Variants in COX7B2 observed in about 807,000 individuals in gnomAD.
COX7B2 encodes cytochrome c oxidase subunit 7B2, mitochondrial.
For synonymous variants in COX7B2, 37 were observed against 32.1 expected (o/e 1.15, Z -0.51); for missense variants, 109 against 95.9 (o/e 1.14, Z -0.57).
At chr4:46,790,152 A>G (rs1717962599) in intron 2 of COX7B2, among the ~76,000 whole-genome samples, 1 of 152,248 alleles carries the variant, frequency 6.6e-6, no homozygotes. Flanking sequence ...CTCAAGAAAC[A>G]GAAAAATCTG....
At chr4:46,848,694 C>T (rs1261125363) in intron 1 of COX7B2, among the ~76,000 whole-genome samples, 1 of 151,932 alleles carries the variant, frequency 6.6e-6, no homozygotes, top group Non-Finnish European at 1.5e-5. Flanking sequence ...AAGACACATC[C>T]AAAATGTGTC....
chr4:46,806,056 C>A (rs1718979551), intron 2 of COX7B2, among the ~76,000 whole-genome samples: 1 of 152,068 alleles, frequency 6.6e-6, no homozygotes, highest in Admixed American at 6.5e-5. Flanking sequence ...TTGTAATTGC[C>A]TCATATGAAA....
Position 46,876,404 on chromosome 4 carries a change from C to CTT in COX7B2, c.-104-31392_-104-31391dup, listed in dbSNP as rs1213695191. ...TCAAACACAGAGTCCGTCCTATTGT[C>CTT]TTTTTTTTTTTTTTTTTTTGAGAAG... On this transcript the variant is annotated intron_variant, in intron 1 of 2. Transcript: ENST00000355591. 9.5e-3 allele frequency among the ~76,000 whole-genome samples: 1,215 copies of CTT among 128,070 alleles called. 17 individuals are homozygous for CTT. Among genetic ancestry groups the CTT allele is most frequent in the African/African-American group, 0.022 (774 of 34,422 alleles). The allele number at this position is 128,070 out of a possible 152,430, so 84.0% of individuals were successfully genotyped here.
At chr4:46,737,365 T>C (rs1714430241) in intron 2 of COX7B2, among the ~76,000 whole-genome samples, 2 of 152,148 alleles carry the variant, frequency 1.3e-5, no homozygotes, top group Non-Finnish European at 2.9e-5. Flanking sequence ...ATGGATTTTG[T>C]AAATACTTTC....
chr4:46,856,665 C>T (rs962080764), intron 1 of COX7B2, among the ~76,000 whole-genome samples: 12 of 152,124 alleles, frequency 7.9e-5, no homozygotes, highest in African/African-American at 1.2e-4. Flanking sequence ...CTAGAAAGCA[C>T]CTTTCTCTCA....
At chr4:46,744,025 T>C (rs997643890) in intron 2 of COX7B2, among the ~76,000 whole-genome samples, 5 of 152,220 alleles carry the variant, frequency 3.3e-5, no homozygotes, top group Non-Finnish European at 7.3e-5. Flanking sequence ...GCCTTCATTA[T>C]ATGATTCTAA....
intron 2 of COX7B2, among the ~76,000 whole-genome samples, chr4:46,825,883 A>G (rs1056354207): frequency 1.3e-5 from 2 of 152,164 alleles, no homozygotes; most frequent in Non-Finnish European, 2.9e-5. Context: ...CCAACACAAG[A>G]TAGATTAAAG....
intron 2 of COX7B2, among the ~76,000 whole-genome samples, chr4:46,809,488 C>T (rs1719177946): frequency 1.3e-5 from 2 of 151,728 alleles, no homozygotes; most frequent in Admixed American, 1.3e-4. Flanking sequence ...TTGTTTGTCT[C>T]AAGATATTTT....
At chr4:46,816,702 A>T (rs918368426) in intron 2 of COX7B2, among the ~76,000 whole-genome samples, 2 of 152,252 alleles carry the variant, frequency 1.3e-5, no homozygotes, top group African/African-American at 4.8e-5. Context: ...GCTGCAAATA[A>T]TAAAGGAATT....
intron 2 of COX7B2, among the ~76,000 whole-genome samples, chr4:46,789,753 T>C (rs1717940325): frequency 6.6e-6 from 1 of 151,864 alleles, no homozygotes; most frequent in Non-Finnish European, 1.5e-5. Flanking sequence ...TATTTATTTA[T>C]TTTCCTCTGT....
intron 2 of COX7B2, among the ~76,000 whole-genome samples, chr4:46,787,644 T>C (rs1030810729): frequency 2.4e-4 from 37 of 152,144 alleles, no homozygotes; most frequent in Non-Finnish European, 1.0e-4. Context: ...AGAGACTCTA[T>C]TGAAGAGATA....
At chr4:46,798,254 C>T (rs1437141874) in intron 2 of COX7B2, among the ~76,000 whole-genome samples, 1 of 152,156 alleles carries the variant, frequency 6.6e-6, no homozygotes, top group Non-Finnish European at 1.5e-5. Flanking sequence ...TTGCAACTGG[C>T]CTCTCCTAGA....
At chr4:46,764,181 G>C (rs989296917) in intron 2 of COX7B2, among the ~76,000 whole-genome samples, 1 of 152,192 alleles carries the variant, frequency 6.6e-6, no homozygotes, top group Non-Finnish European at 1.5e-5. Flanking sequence ...TATTAAGGCA[G>C]TGAGCACTAC....
chr4:46,879,313 G>A (rs1718555646), intron 1 of COX7B2, among the ~76,000 whole-genome samples: 1 of 151,906 alleles, frequency 6.6e-6, no homozygotes, highest in South Asian at 2.1e-4. Flanking sequence ...ATGTACCACT[G>A]TGTCTAATTT....
At chr4:46,827,871 A>G (rs1272519517) in intron 2 of COX7B2, among the ~76,000 whole-genome samples, 1 of 152,190 alleles carries the variant, frequency 6.6e-6, no homozygotes, top group Non-Finnish European at 1.5e-5. Context: ...ATGACATTCT[A>G]GAAGAAGAAA....
chr4:46,788,449 C>T (rs1717866432), intron 2 of COX7B2, among the ~76,000 whole-genome samples: 1 of 152,012 alleles, frequency 6.6e-6, no homozygotes, highest in Admixed American at 6.5e-5. Flanking sequence ...AGCTAGGGGT[C>T]ATTTCTCAGT....
At chr4:46,750,195 T>TAC (rs58139781) in intron 2 of COX7B2, among the ~76,000 whole-genome samples, 6,499 of 113,774 alleles carry the variant, frequency 0.057, 258 homozygotes, top group Middle Eastern at 0.072. Context: ...ATCCCATCTC[T>TAC]ACACACACAC....
intron 1 of COX7B2, among the ~76,000 whole-genome samples, chr4:46,847,873 G>T (rs910129060): frequency 1.3e-5 from 2 of 151,936 alleles, no homozygotes; most frequent in Admixed American, 6.6e-5. Flanking sequence ...GGAGAAGCCG[G>T]GTTCAGCCAC....
chr4:46,739,537 A>C (rs1714580460), intron 2 of COX7B2, among the ~76,000 whole-genome samples: 1 of 152,112 alleles, frequency 6.6e-6, no homozygotes, highest in Admixed American at 6.6e-5. Flanking sequence ...TTATTGCTCT[A>C]CATAAGGAAG....
Sources: gnomAD v4.1 joint callset for allele counts (sites outside exome capture counted in the v4.1 genomes callset) on GRCh38, gnomAD v4.1.1 for gene constraint, MANE v1.5 for transcripts, NCBI Gene and HGNC (gene_info 2026-07-23, HGNC 2026-07-21) for gene names.